The following CMAS variants were observed in gnomAD, a reference collection of about 807,000 sequenced individuals.
CMAS encodes N-acylneuraminate cytidylyltransferase.
Under a neutral mutation model 53.4 loss-of-function variants are expected in CMAS, and 21 were observed. That is an observed-to-expected ratio of 0.39 (90% CI 0.28 to 0.57). The LOEUF is 0.57. Ranked by LOEUF, CMAS falls within the 20% of genes least tolerant of loss-of-function variation. The pLI is 0.56. For missense variants in CMAS, 384 were observed against 534.9 expected (o/e 0.72, Z 2.78); for synonymous variants, 189 against 195.2 (o/e 0.97, Z 0.27).
chr12:22,047,503 C>A (rs1018699151), intron 1 of CMAS, among the ~76,000 whole-genome samples: 2 of 152,024 alleles, frequency 1.3e-5, no homozygotes, highest in Admixed American at 1.3e-4. Flanking sequence ...TATTTGCTTA[C>A]CCATATTAAT....
At chr12:22,050,886 G>C (rs1027642877) in intron 1 of CMAS, among the ~76,000 whole-genome samples, 1 of 151,784 alleles carries the variant, frequency 6.6e-6, no homozygotes, top group East Asian at 1.9e-4. Flanking sequence ...TTATATACTA[G>C]ATCATTAAAA....
chr12:22,050,974 T>A (rs11046275), intron 1 of CMAS, among the ~76,000 whole-genome samples: 2 of 151,942 alleles, frequency 1.3e-5, no homozygotes, highest in South Asian at 4.2e-4. Flanking sequence ...TCCTACCCTC[T>A]CTTTTGTTTC....
intron 6 of CMAS, among the ~76,000 whole-genome samples, chr12:22,061,977 C>CTT: frequency 6.6e-6 from 1 of 152,142 alleles, no homozygotes; most frequent in Non-Finnish European, 1.5e-5. Flanking sequence ...ATAGGAGAAT[C>CTT]TTAGAGTAGT....
chr12:22,046,936 TGGGGGC>T (rs1950210978), intron 1 of CMAS, among the ~76,000 whole-genome samples: 1 of 152,156 alleles, frequency 6.6e-6, no homozygotes, highest in African/African-American at 2.4e-5. Flanking sequence ...CTTCTTTGGA[TGGGGGC>T]CATCGAAGCT....
chr12:22,051,397 G>C (rs567219951), intron 1 of CMAS, among the ~76,000 whole-genome samples: 1 of 152,192 alleles, frequency 6.6e-6, no homozygotes, highest in East Asian at 1.9e-4. Context: ...TTTGATTAAT[G>C]AAAGGCCTAT....
intron 1 of CMAS, among the ~76,000 whole-genome samples, chr12:22,051,828 A>T (rs764318146): frequency 6.6e-6 from 1 of 151,888 alleles, no homozygotes; most frequent in Non-Finnish European, 1.5e-5. Context: ...GACAGAGTAG[A>T]TGTTACTTTA....
In CMAS at chr12:22,055,088, C is replaced by G. The variant is rs1266145705; in HGVS notation, c.261-61C>G. Reference sequence around the variant, plus strand: ...AGCTGTATTTTATGGTTACAGAGCTCCATTTTATTGTTAATGATTTCTTTT... The same window carrying G: ...AGCTGTATTTTATGGTTACAGAGCTGCATTTTATTGTTAATGATTTCTTTT... On this transcript the variant is annotated intron_variant, in intron 1 of 7. Coordinates refer to ENST00000229329, the MANE Select transcript of CMAS (RefSeq NM_018686.6). 4.5e-6 allele frequency: 6 copies of G among 1,336,818 alleles called. 1 individual carries two copies. In the African/African-American group the frequency reaches 9.0e-5, roughly 20 times the overall value. 82.8% of individuals were successfully genotyped at this position (1,336,818 alleles called of 1,614,324 possible). A position where few individuals can be genotyped will look rare whatever the true frequency, so the allele number is the denominator to read the frequency against.
rs370058789 is a variant in CMAS at position 22,058,586 on chromosome 12, T to C, written c.579T>C (p.Pro193=). The C allele has an allele frequency of 8.1e-6, 13 of 1,613,482 alleles. No homozygotes were observed. Among genetic ancestry groups the C allele is most frequent in the African/African-American group, 1.3e-5 (1 of 74,914 alleles). ...IQKGVREVTE[P]LNLNPAKRPR... Reference sequence around the variant, plus strand: ...TTTTAGTTCGTGAAGTGACCGAACCTCTGAATTTAAATCCAGCTAAACGGC... The same window carrying C: ...TTTTAGTTCGTGAAGTGACCGAACCCCTGAATTTAAATCCAGCTAAACGGC... The change falls in exon 4 of 8, where the codon CCT becomes CCC. Residue 193 remains proline (P), a synonymous_variant. Transcript: ENST00000229329.
chr12:22,046,793 C>T (rs2138174756), intron 1 of CMAS, among the ~76,000 whole-genome samples: 1 of 152,332 alleles, frequency 6.6e-6, no homozygotes, highest in East Asian at 1.9e-4. Context: ...TGGGACAGTT[C>T]CTGTCTCCGC....
At position 22,060,824 on chromosome 12, in the gene CMAS, ACC is replaced by A; in HGVS notation, c.694-7_694-6del. ...AAACAGTATTCATGACATTTATACT[ACC>A]TTTAGGGTGGAAAAATGGCATACTA... On this transcript the variant is annotated splice_polypyrimidine_tract_variant and splice_region_variant and intron_variant, in intron 4 of 7. Coordinates refer to ENST00000229329, the MANE Select transcript of CMAS (RefSeq NM_018686.6). 6.5e-7 allele frequency: 1 copy of A among 1,537,588 alleles called. No homozygotes were observed. Among genetic ancestry groups the A allele is most frequent in the Non-Finnish European group, 9.0e-7 (1 of 1,111,802 alleles).
chr12:22,057,236 C>G (rs1296947157), intron 3 of CMAS, among the ~76,000 whole-genome samples: 2 of 123,734 alleles, frequency 1.6e-5, no homozygotes, highest in African/African-American at 6.3e-5. Context: ...TACACACACA[C>G]ACATACACAC....
rs1950286086 is a variant in CMAS at position 22,058,713 on chromosome 12, A to G, written c.693+13A>G. 1.2e-6 allele frequency: 2 copies of G among 1,611,364 alleles called. No homozygotes were observed. Among genetic ancestry groups the G allele is most frequent in the Non-Finnish European group, 1.7e-6 (2 of 1,178,828 alleles). On this transcript the variant is annotated intron_variant, in intron 4 of 7. Transcript: ENST00000229329. ...GGGTTACTTGCAGGTTTGTACCTTCATTTTGCATAACCCTTTTAAGCGCTT... is the reference window on the plus strand; with the variant it reads ...GGGTTACTTGCAGGTTTGTACCTTCGTTTTGCATAACCCTTTTAAGCGCTT...
In CMAS at chr12:22,046,652, A is replaced by G. The variant is rs569239483; in HGVS notation, c.260+89A>G. The G allele has an allele frequency of 8.1e-6, 11 of 1,359,456 alleles. No individual in the cohort carries two copies. The African/African-American group carries it at 1.5e-4, about 19-fold the overall frequency. 84.2% of individuals were successfully genotyped at this position (1,359,456 alleles called of 1,614,324 possible). A position where few individuals can be genotyped will look rare whatever the true frequency, so the allele number is the denominator to read the frequency against. Reference sequence around the variant, plus strand: ...TGGAGGGGCTGGGGCCTCCGGGGCCACCGCTCTTGGAAGGGGGCCATCTCT... The same window carrying G: ...TGGAGGGGCTGGGGCCTCCGGGGCCGCCGCTCTTGGAAGGGGGCCATCTCT... On this transcript the variant is annotated intron_variant, in intron 1 of 7. Coordinates refer to ENST00000229329, the MANE Select transcript of CMAS (RefSeq NM_018686.6).
chr12:22,065,385 A>G lies in CMAS; in HGVS notation c.*74A>G. The G allele has an allele frequency of 8.5e-7, 1 of 1,169,746 alleles. No individual in the cohort carries two copies. The allele number at this position is 1,169,746 out of a possible 1,614,324, so 72.5% of individuals were successfully genotyped here. On this transcript the variant is annotated 3_prime_UTR_variant, in exon 8 of 8. Transcript: ENST00000229329. ...TTTGCTTTTATTTTTGATTAAGTAA[A>G]TTCCATGTTGTAATGTTACAGAGAG...
intron 3 of CMAS, among the ~76,000 whole-genome samples, chr12:22,057,052 G>A (rs1950272866): frequency 6.6e-6 from 1 of 152,102 alleles, no homozygotes; most frequent in African/African-American, 2.4e-5. Context: ...GTTATCTCTA[G>A]CTATTTAATT....
intron 7 of CMAS, chr12:22,063,902 C>T (rs1345829735): frequency 6.7e-6 from 1 of 150,130 alleles, no homozygotes; most frequent in African/African-American, 2.5e-5. Flanking sequence ...TTAGACCAGC[C>T]TGTGAAACAT....
At chr12:22,060,377 G>A (rs1296124748) in intron 4 of CMAS, among the ~76,000 whole-genome samples, 1 of 132,674 alleles carries the variant, frequency 7.5e-6, no homozygotes, top group Non-Finnish European at 1.6e-5. Context: ...CGTGGTGGCT[G>A]AAGCATGTCA....
At chr12:22,062,240 T>A in intron 6 of CMAS, 41 bp from the exon 7 acceptor site, 2 of 1,535,596 alleles carry the variant, frequency 1.3e-6, no homozygotes, top group Non-Finnish European at 1.7e-6. Context: ...CTTTTTAATT[T>A]TTCCCTTCTT....
At chr12:22,055,698 A>G in intron 3 of CMAS, 88 bp downstream of exon 3, 2 of 1,079,862 alleles carry the variant, frequency 1.9e-6, no homozygotes, top group Non-Finnish European at 2.7e-6. Flanking sequence ...GAGGAGAGTA[A>G]AAGGGGAGCT....
Sources: gnomAD v4.1 joint callset for allele counts (sites outside exome capture counted in the v4.1 genomes callset) on GRCh38, gnomAD v4.1.1 for gene constraint, MANE v1.5 for transcripts, NCBI Gene and HGNC (gene_info 2026-07-23, HGNC 2026-07-21) for gene names.